PERP: variants seen among roughly 807,000 people sequenced by gnomAD.
PERP encodes p53 apoptosis effector related to PMP-22.
Under a neutral mutation model 20.3 loss-of-function variants are expected in PERP, and 11 were observed. That is an observed-to-expected ratio of 0.54 (90% CI 0.34 to 0.90). The LOEUF is 0.90. PERP is among the 40% of genes least tolerant of loss of function. The probability of loss-of-function intolerance (pLI) is 0.02; values close to 1 mark genes in which losing one functional copy is unlikely to be tolerated. For synonymous variants in PERP, 101 were observed against 102.0 expected (o/e 0.99, Z 0.06); for missense variants, 224 against 249.4 (o/e 0.90, Z 0.69).
rs1775530108 is a variant in PERP at position 138,088,647 on chromosome 6, C to G, written c.*3395G>C. 1 of 152,188 alleles carries G rather than the reference C, an allele frequency of 6.6e-6. No individual in the cohort carries two copies. The highest frequency in any genetic ancestry group is 1.5e-5 in the Non-Finnish European group (1 of 68,068). The allele number at this position is 152,188 out of a possible 1,614,324, so 9.4% of individuals were successfully genotyped here. ...TTTCCCTTTCTTGGCTTTTTCCACA[C>G]CCTAGGTGGATTACACTCACCCTGA... On this transcript the variant is annotated 3_prime_UTR_variant, in exon 3 of 3. Coordinates refer to ENST00000421351, the MANE Select transcript of PERP (RefSeq NM_022121.5).
At chr6:138,106,420 C>G (rs935177166) in intron 1 of PERP, among the ~76,000 whole-genome samples, 5 of 152,216 alleles carry the variant, frequency 3.3e-5, no homozygotes, top group Non-Finnish European at 4.4e-5. Flanking sequence ...AGTACTTCAC[C>G]TGCTAGGTAC....
At chr6:138,092,712 G>T (rs1354925555) in intron 2 of PERP, among the ~76,000 whole-genome samples, 1 of 151,958 alleles carries the variant, frequency 6.6e-6, no homozygotes, top group African/African-American at 2.4e-5. Flanking sequence ...TATACACACA[G>T]GCATGCACAC....
chr6:138,093,837 A>G (rs1490866621), intron 2 of PERP, among the ~76,000 whole-genome samples: 3 of 152,212 alleles, frequency 2.0e-5, no homozygotes, highest in Non-Finnish European at 4.4e-5. Context: ...ATTCAGCATT[A>G]CTACTAAAAG....
At chr6:138,096,559 C>A in intron 1 of PERP, 65 bp from the exon 2 acceptor site, 2 of 1,516,338 alleles carry the variant, frequency 1.3e-6, no homozygotes. Context: ...TTACTTATCA[C>A]AGTATCAACA....
At chr6:138,094,453 C>T (rs1196542828) in intron 2 of PERP, among the ~76,000 whole-genome samples, 2 of 152,184 alleles carry the variant, frequency 1.3e-5, no homozygotes, top group African/African-American at 4.8e-5. Flanking sequence ...CATGTTGTAG[C>T]ATATATCAAA....
Position 138,107,344 on chromosome 6 carries a change from G to T in PERP, c.-4C>A. 1 of 1,589,068 alleles carries T rather than the reference G, an allele frequency of 6.3e-7. No individual in the cohort carries two copies. Among genetic ancestry groups the T allele is most frequent in the South Asian group, 1.1e-5 (1 of 88,648 alleles). ...AGGCCAGGCCGCAGCGGATCATGTT[G>T]ACGGGCGGCGCGGGGCCGAGCGGAG... On this transcript the variant is annotated 5_prime_UTR_variant, in exon 1 of 3. Coordinates refer to ENST00000421351, the MANE Select transcript of PERP (RefSeq NM_022121.5). The surrounding 1 kb of genome is among the most constrained non-coding windows in gnomAD (Gnocchi z 4.8).
rs1009414541 is a variant in PERP, at chr6:138,107,410, A to T, written c.-70T>A. 20 of 1,267,344 alleles carry T rather than the reference A, an allele frequency of 1.6e-5. No homozygotes were observed. Among genetic ancestry groups the T allele is most frequent in the Non-Finnish European group, 2.0e-5 (20 of 983,672 alleles). The allele number at this position is 1,267,344 out of a possible 1,614,324, so 78.5% of individuals were successfully genotyped here. On this transcript the variant is annotated 5_prime_UTR_variant, in exon 1 of 3. Transcript: ENST00000421351. This position sits in a 1 kb window ranked among gnomAD's most constrained non-coding sequence, Gnocchi z 4.8. The stretch of plus-strand genomic sequence containing the variant: ...CGGAGGAGCGCGCGGGACGGGCGAC[A>T]GCAGAGAGTGGCCTGCGAGCGCGGG...
Position 138,091,297 on chromosome 6 carries a change from T to C in PERP, c.*745A>G, listed in dbSNP as rs1179208936. 2.0e-5 allele frequency: 3 copies of C among 152,168 alleles called. No individual in the cohort carries two copies. Among genetic ancestry groups the C allele is most frequent in the Non-Finnish European group, 2.9e-5 (2 of 68,022 alleles). 9.4% of individuals were successfully genotyped at this position (152,168 alleles called of 1,614,324 possible). On this transcript the variant is annotated 3_prime_UTR_variant, in exon 3 of 3. Coordinates refer to ENST00000421351, the MANE Select transcript of PERP (RefSeq NM_022121.5). ...TTCTGAACATATAAACACAAAACAC[T>C]ACAGATTTATTAATATAGCATTTTC...
At chr6:138,102,866 G>A (rs571505868) in intron 1 of PERP, among the ~76,000 whole-genome samples, 2 of 152,120 alleles carry the variant, frequency 1.3e-5, no homozygotes, top group East Asian at 3.9e-4. Context: ...TTGGGAGGCC[G>A]AGGTGGGCGG....
rs755223304 is a variant in PERP, at chr6:138,090,895, T to C, written c.*1147A>G. The C allele has an allele frequency of 1.6e-4, 24 of 152,654 alleles. No individual in the cohort carries two copies. Among genetic ancestry groups the C allele is most frequent in the Admixed American group, 4.6e-4 (7 of 15,288 alleles). The allele number at this position is 152,654 out of a possible 1,614,324, so 9.5% of individuals were successfully genotyped here. On this transcript the variant is annotated 3_prime_UTR_variant, in exon 3 of 3. Transcript: ENST00000421351. The stretch of plus-strand genomic sequence containing the variant: ...ATTTAAAATGAATTGGTTTTCATTA[T>C]GTAAGTCGAAATGGTAAAAAATCAT...
intron 1 of PERP, among the ~76,000 whole-genome samples, chr6:138,098,975 G>A (rs180988603): frequency 4.5e-4 from 68 of 152,264 alleles, no homozygotes; most frequent in Non-Finnish European, 8.4e-4. Context: ...AACTTAGTAA[G>A]TCTCTTTTTC....
intron 1 of PERP, among the ~76,000 whole-genome samples, chr6:138,100,021 A>T (rs891371107): frequency 6.6e-6 from 1 of 152,222 alleles, no homozygotes; most frequent in African/African-American, 2.4e-5. Flanking sequence ...CCCACATTGA[A>T]TCACTTAACT....
Position 138,089,095 on chromosome 6 carries a change from A to G in PERP, c.*2947T>C, listed in dbSNP as rs1032132003. ...CTTGAAGGTAGGGGGATCATTTACA[A>G]TCATTTTACAGGTGAGGATATTGAG... is the stretch of plus-strand genomic sequence containing the variant. On this transcript the variant is annotated 3_prime_UTR_variant, in exon 3 of 3. Transcript: ENST00000421351. 4 of 152,234 alleles carry G rather than the reference A, an allele frequency of 2.6e-5. No homozygotes were observed. The highest frequency in any genetic ancestry group is 9.6e-5 in the African/African-American group (4 of 41,514). The allele number at this position is 152,234 out of a possible 1,614,324, so 9.4% of individuals were successfully genotyped here.
At position 138,092,723 on chromosome 6, in the gene PERP, A is replaced by G. The variant is rs541508675; in HGVS notation, c.356-455T>C. Among the ~76,000 whole-genome samples, 10 of 152,370 alleles carry G rather than the reference A, an allele frequency of 6.6e-5. No individual in the cohort carries two copies. The East Asian group carries it at 1.5e-3, about 23-fold the overall frequency. ...TATATATACACACAGGCATGCACAC[A>G]TGACTCAATATTGATATTCAATAAC... is the stretch of plus-strand genomic sequence containing the variant. On this transcript the variant is annotated intron_variant, in intron 2 of 2. Coordinates refer to ENST00000421351, the MANE Select transcript of PERP (RefSeq NM_022121.5).
intron 2 of PERP, 112 bp downstream of exon 2, chr6:138,096,242 C>T (rs570135162): frequency 4.2e-4 from 565 of 1,351,298 alleles, no homozygotes; most frequent in South Asian, 8.3e-4. Context: ...ATACATTTTC[C>T]GAGAACAGAT....
chr6:138,105,672 G>C (rs1775830668), intron 1 of PERP, among the ~76,000 whole-genome samples: 1 of 152,200 alleles, frequency 6.6e-6, no homozygotes, highest in Non-Finnish European at 1.5e-5. Flanking sequence ...CATATACTTT[G>C]GGTCTGCATT....
chr6:138,093,173 T>C (rs376604408), intron 2 of PERP, among the ~76,000 whole-genome samples: 19 of 152,342 alleles, frequency 1.2e-4, no homozygotes, highest in Admixed American at 5.2e-4. Flanking sequence ...TTCTGCATCA[T>C]TTTAACTTTA....
rs1029433088 is a variant in PERP at position 138,089,733 on chromosome 6, G to A, written c.*2309C>T. ...TGGTGAATCTGGATCAACAAGGAAT[G>A]GCAGATCTCTATACTAGAACAAGGC... On this transcript the variant is annotated 3_prime_UTR_variant, in exon 3 of 3. Transcript: ENST00000421351. 9.2e-5 allele frequency: 14 copies of A among 152,114 alleles called. No individual in the cohort carries two copies. The highest frequency in any genetic ancestry group is 2.9e-5 in the Non-Finnish European group (2 of 68,030). The allele number at this position is 152,114 out of a possible 1,614,324, so 9.4% of individuals were successfully genotyped here. A position where few individuals can be genotyped will look rare whatever the true frequency, so the allele number is the denominator to read the frequency against.
intron 1 of PERP, among the ~76,000 whole-genome samples, chr6:138,100,486 A>G (rs1309144280): frequency 6.6e-6 from 1 of 152,084 alleles, no homozygotes; most frequent in African/African-American, 2.4e-5. Context: ...CAGACTGTCC[A>G]TCTTTATCTA....
Sources: allele counts gnomAD v4.1 joint callset (sites outside exome capture counted in the v4.1 genomes callset), GRCh38; gene constraint gnomAD v4.1.1; non-coding constraint Gnocchi (gnomAD v3.1); transcripts MANE v1.5; gene names NCBI Gene and HGNC (gene_info 2026-07-23, HGNC 2026-07-21).